CEP72: variants seen among roughly 807,000 people sequenced by gnomAD.
The protein encoded by CEP72 is centrosomal protein of 72 kDa.
A neutral mutation model predicts 65.7 loss-of-function variants in CEP72; 78 were observed. The observed-to-expected ratio is 1.19, with a 90% confidence interval of 0.99 to 1.43. The LOEUF is 1.43. Ranked by LOEUF, CEP72 falls within the 40% of genes most tolerant of loss-of-function variation. CEP72 has a pLI of 0.00. For missense variants in CEP72, 914 were observed against 832.9 expected (o/e 1.10, Z -1.20); for synonymous variants, 358 against 351.7 (o/e 1.02, Z -0.20).
intron 3 of CEP72, 56 bp downstream of exon 3, chr5:620,317 G>A (rs1347568722): frequency 1.2e-5 from 18 of 1,498,932 alleles, no homozygotes; most frequent in South Asian, 2.3e-5. Flanking sequence ...TATGGGAGTC[G>A]GGGAGTCGTA....
Position 639,112 on chromosome 5 carries a change from T to A in CEP72, c.1230T>A (p.Ala410=). The change falls in exon 8 of 12, where the codon GCT becomes GCA. Residue 410 remains alanine (A), a synonymous_variant. Transcript: ENST00000264935. ...AGCCGTCTCCCGGGTCACACTCGGC[T>A]CTACCCGGGAAGAAGACGGCCCTGC... The part of the protein sequence containing the change: ...TREPSPGSHS[A]LPGKKTALQA... 6.2e-7 allele frequency: 1 copy of A among 1,613,334 alleles called. No individual in the cohort carries two copies. The highest frequency in any genetic ancestry group is 8.5e-7 in the Non-Finnish European group (1 of 1,179,874).
At chr5:640,738 C>T (rs1170138257) in intron 9 of CEP72, 134 bp downstream of exon 9, 4 of 1,437,970 alleles carry the variant, frequency 2.8e-6, no homozygotes, top group Non-Finnish European at 3.6e-6. Context: ...TCTCCACTCC[C>T]TGCCCGGGAC....
chr5:637,980 C>G (rs185685992), intron 7 of CEP72, among the ~76,000 whole-genome samples, 162 bp downstream of exon 7: 1 of 150,692 alleles, frequency 6.6e-6, no homozygotes, highest in African/African-American at 2.4e-5. Context: ...CGGCACTGAC[C>G]GTGTCCCTCC....
At chr5:612,727 G>A (rs930992331) in intron 1 of CEP72, 1 of 780,496 alleles carries the variant, frequency 1.3e-6, no homozygotes, top group Non-Finnish European at 1.6e-6. Context: ...TGAGAAGAGG[G>A]AGCCGGCCTT....
intron 9 of CEP72, chr5:641,171 A>G (rs1233672211): frequency 3.0e-6 from 3 of 984,614 alleles, no homozygotes; most frequent in South Asian, 4.7e-5. Flanking sequence ...GCTCTGTCTC[A>G]GCCGTGGGCT....
At chr5:627,986 C>T (rs57537038) in intron 4 of CEP72, among the ~76,000 whole-genome samples, 6,021 of 152,288 alleles carry the variant, frequency 0.04, 376 homozygotes, top group African/African-American at 0.14. Flanking sequence ...CGCGCGGGCA[C>T]GGAGCGTCAC....
intron 11 of CEP72, 135 bp from the exon 12 acceptor site, chr5:652,853 C>T (rs898026647): frequency 1.3e-5 from 12 of 951,652 alleles, no homozygotes; most frequent in Admixed American, 1.0e-4. Context: ...GGTGATGGGG[C>T]CACAGAGATA....
downstream of CEP72, chr5:661,584 G>T (rs1739609808): frequency 6.6e-6 from 1 of 152,450 alleles, no homozygotes; most frequent in Non-Finnish European, 1.5e-5. Flanking sequence ...AAAACATGCA[G>T]AAGAGAACAC....
At chr5:668,991 T>A (rs1740078082), downstream of CEP72, among the ~76,000 whole-genome samples, 1 of 152,210 alleles carries the variant, frequency 6.6e-6, no homozygotes, top group South Asian at 2.1e-4. Flanking sequence ...CCATACACTT[T>A]ACACGCGTGT....
At chr5:626,556 A>G (rs1226239107) in intron 4 of CEP72, among the ~76,000 whole-genome samples, 1 of 152,196 alleles carries the variant, frequency 6.6e-6, no homozygotes, top group Non-Finnish European at 1.5e-5. Flanking sequence ...ACAGTGGCTA[A>G]CACCTGTAAT....
Position 635,591 on chromosome 5 carries a change from A to T in CEP72, c.904+7A>T, listed in dbSNP as rs773478070. ...TACTTCACCCCACACCCAGGTACTT[A>T]CGCGTGTCTTAGTCTGTTTTCTGTT... On this transcript the variant is annotated splice_region_variant and intron_variant, in intron 6 of 11. Coordinates refer to ENST00000264935, the MANE Select transcript of CEP72 (RefSeq NM_018140.4). 3 of 1,603,064 alleles carry T rather than the reference A, an allele frequency of 1.9e-6. No homozygotes were observed. Among genetic ancestry groups the T allele is most frequent in the Non-Finnish European group, 2.6e-6 (3 of 1,170,732 alleles).
intron 1 of CEP72, among the ~76,000 whole-genome samples, chr5:613,315 G>C (rs1447457187): frequency 6.6e-6 from 1 of 152,160 alleles, no homozygotes; most frequent in East Asian, 1.9e-4. Flanking sequence ...TTTAAGGCTG[G>C]CAGGGGCCCA....
At chr5:668,987 A>G (rs1289581029), downstream of CEP72, among the ~76,000 whole-genome samples, 1 of 152,262 alleles carries the variant, frequency 6.6e-6, no homozygotes, top group East Asian at 1.9e-4. Flanking sequence ...GTTCCCATAC[A>G]CTTTACACGC....
At chr5:648,067 A>C in intron 11 of CEP72, 151 bp downstream of exon 11, 1 of 607,578 alleles carries the variant, frequency 1.6e-6, no homozygotes, top group Non-Finnish European at 3.0e-6. Context: ...GCTGATTTGA[A>C]ACTTTCATAA....
intron 7 of CEP72, among the ~76,000 whole-genome samples, chr5:638,339 CAG>C (rs965864833): frequency 5.9e-5 from 9 of 152,046 alleles, no homozygotes; most frequent in South Asian, 2.1e-4. Flanking sequence ...ACCTAGAGGT[CAG>C]GGGGACAACT....
chr5:675,817 C>T, the CEP72 span: 1 of 152,226 alleles, frequency 6.6e-6, no homozygotes, highest in East Asian at 1.9e-4. Context: ...TTTCCGAGGC[C>T]GGGGAGCACA....
At chr5:669,241 G>A (rs1378277826), downstream of CEP72, among the ~76,000 whole-genome samples, 8 of 151,948 alleles carry the variant, frequency 5.3e-5, no homozygotes, top group East Asian at 1.9e-4. Context: ...GCCATAGGGC[G>A]CTGTTGTCCA....
intron 8 of CEP72, among the ~76,000 whole-genome samples, chr5:639,656 C>T (rs779536669): frequency 6.6e-6 from 1 of 152,206 alleles, no homozygotes; most frequent in African/African-American, 2.4e-5. Context: ...GGTGGTCCCT[C>T]CCCAGAGAGG....
downstream of CEP72, among the ~76,000 whole-genome samples, chr5:670,227 G>T (rs992624927): frequency 6.6e-6 from 1 of 152,182 alleles, no homozygotes; most frequent in Admixed American, 6.5e-5. Context: ...CTGGGCTCGG[G>T]ACTGTGCATC....
Sources: allele counts gnomAD v4.1 joint callset (sites outside exome capture counted in the v4.1 genomes callset), GRCh38; gene constraint gnomAD v4.1.1; transcripts MANE v1.5; gene names NCBI Gene and HGNC (gene_info 2026-07-23, HGNC 2026-07-21).